TSPAN19: variants seen among roughly 807,000 people sequenced by gnomAD.
The protein encoded by TSPAN19 is tetraspanin-19.
A neutral mutation model predicts 35.1 loss-of-function variants in TSPAN19; 44 were observed. The observed-to-expected ratio is 1.25, with a 90% CI of 0.98 to 1.61. The LOEUF (loss-of-function observed/expected upper bound fraction) is 1.61, where lower values mean the gene tolerates loss of function less well. Ranked by LOEUF, TSPAN19 falls within the 40% of genes most tolerant of loss-of-function variation. The pLI is 0.00. For synonymous variants in TSPAN19, 79 were observed against 92.0 expected, an observed-to-expected ratio of 0.86 and a Z score of 0.81; for missense variants, 290 against 280.0, an observed-to-expected ratio of 1.04 and a Z score of -0.26.
At chr12:85,034,257 C>T (rs985593300) in intron 1 of TSPAN19, among the ~76,000 whole-genome samples, 1 of 152,042 alleles carries the variant, frequency 6.6e-6, no homozygotes, top group Non-Finnish European at 1.5e-5. Context: ...ATTTTGAACA[C>T]AACAATGATA....
chr12:85,028,892 G>A (rs1877552080), intron 3 of TSPAN19, among the ~76,000 whole-genome samples: 1 of 152,140 alleles, frequency 6.6e-6, no homozygotes, highest in Admixed American at 6.6e-5. Flanking sequence ...GGGGGAGAAG[G>A]TTAGAAGGTT....
At chr12:85,031,228 C>A (rs1877670686) in intron 1 of TSPAN19, among the ~76,000 whole-genome samples, 1 of 152,094 alleles carries the variant, frequency 6.6e-6, no homozygotes, top group African/African-American at 2.4e-5. Context: ...TACTTTCCAT[C>A]CTATTGTCTT....
chr12:85,032,057 T>C (rs1877710245), intron 1 of TSPAN19, among the ~76,000 whole-genome samples: 1 of 152,080 alleles, frequency 6.6e-6, no homozygotes, highest in African/African-American at 2.4e-5. Context: ...AATAAAAGAA[T>C]AATGGTAATC....
chr12:85,029,610 A>G lies in TSPAN19; in HGVS notation c.139+109T>C. 5 of 899,900 alleles carry G rather than the reference A, an allele frequency of 5.6e-6. 1 individual carries two copies. Among genetic ancestry groups the G allele is most frequent in the Middle Eastern group, 5.8e-4 (2 of 3,454 alleles). 55.7% of individuals were successfully genotyped at this position (899,900 alleles called of 1,614,324 possible). Reference sequence around the variant, plus strand: ...AAGACTTTCAGAAGGAATGCTGGACACTTAATAAATTACAGAGAAATACTG... The same window carrying G: ...AAGACTTTCAGAAGGAATGCTGGACGCTTAATAAATTACAGAGAAATACTG... On this transcript the variant is annotated intron_variant, in intron 3 of 8. Coordinates refer to ENST00000532498, the MANE Select transcript of TSPAN19 (RefSeq NM_001100917.2).
chr12:85,029,606 G>A, intron 3 of TSPAN19, 113 bp downstream of exon 3: 2 of 875,376 alleles, frequency 2.3e-6, no homozygotes, highest in Non-Finnish European at 3.5e-6. Flanking sequence ...AAGGAATGCT[G>A]GACACTTAAT....
intron 4 of TSPAN19, among the ~76,000 whole-genome samples, chr12:85,025,435 C>G (rs960880798): frequency 6.7e-6 from 1 of 149,282 alleles, no homozygotes; most frequent in African/African-American, 2.5e-5. Context: ...CCACCACACC[C>G]GGCATATGAA....
Position 85,014,562 on chromosome 12 carries a change from G to A in TSPAN19, c.679-7C>T. ...TTAATGAGACTTGGAAAACCTGGAAGAAAAGGGAACAATAAGAGATTAAAA... is the reference window on the plus strand; with the variant it reads ...TTAATGAGACTTGGAAAACCTGGAAAAAAAGGGAACAATAAGAGATTAAAA... On this transcript the variant is annotated splice_polypyrimidine_tract_variant and splice_region_variant and intron_variant, in intron 8 of 8. Coordinates refer to ENST00000532498, the MANE Select transcript of TSPAN19 (RefSeq NM_001100917.2). 2.5e-6 allele frequency: 4 copies of A among 1,582,148 alleles called. No individual in the cohort carries two copies. The highest frequency in any genetic ancestry group is 1.1e-5 in the South Asian group (1 of 87,816).
Position 85,019,742 on chromosome 12 carries a change from G to A in TSPAN19, c.340-6C>T. 1 of 1,535,500 alleles carries A rather than the reference G, an allele frequency of 6.5e-7. No homozygotes were observed. Among genetic ancestry groups the A allele is most frequent in the Non-Finnish European group, 8.8e-7 (1 of 1,130,310 alleles). Reference sequence around the variant, plus strand: ...TCATGCCATAGTTGCTGAACCTGTAGAAAATTGTATTAAAAATGAAAATTT... The same window carrying A: ...TCATGCCATAGTTGCTGAACCTGTAAAAAATTGTATTAAAAATGAAAATTT... On this transcript the variant is annotated splice_region_variant and splice_polypyrimidine_tract_variant and intron_variant, in intron 5 of 8. Coordinates refer to ENST00000532498, the MANE Select transcript of TSPAN19 (RefSeq NM_001100917.2).
chr12:85,024,934 T>C (rs774212177), intron 4 of TSPAN19, among the ~76,000 whole-genome samples: 6 of 152,110 alleles, frequency 3.9e-5, no homozygotes, highest in Non-Finnish European at 8.8e-5. Context: ...ACATATTTTA[T>C]ACATCTAATA....
chr12:85,014,384 C>T lies in TSPAN19; in HGVS notation c.*103G>A. The T allele has an allele frequency of 4.4e-6, 3 of 689,432 alleles. No individual in the cohort carries two copies. Among genetic ancestry groups the T allele is most frequent in the Non-Finnish European group, 4.8e-6 (2 of 413,324 alleles). 42.7% of individuals were successfully genotyped at this position (689,432 alleles called of 1,614,324 possible). On this transcript the variant is annotated 3_prime_UTR_variant, in exon 9 of 9. Transcript: ENST00000532498. ...TTACATATAATTAATAATTTGAATA[C>T]ATCTGTTATTTAATACAATTCAAAA...
chr12:85,022,205 T>TCACACACACACAAACACACG (rs2135801560), intron 5 of TSPAN19, among the ~76,000 whole-genome samples: 1 of 151,706 alleles, frequency 6.6e-6, no homozygotes, highest in East Asian at 1.9e-4. Context: ...CCTTTAAAAC[T>TCACACACACACAAACACACG]CACACACACA....
At chr12:85,014,873 A>G (rs1354966438) in intron 8 of TSPAN19, 1 of 190,306 alleles carries the variant, frequency 5.3e-6, no homozygotes, top group Non-Finnish European at 1.1e-5. Flanking sequence ...GTTGTTCGAT[A>G]TCTTTCTAAC....
intron 5 of TSPAN19, among the ~76,000 whole-genome samples, chr12:85,021,180 C>T (rs1877102169): frequency 6.6e-6 from 1 of 151,964 alleles, no homozygotes; most frequent in African/African-American, 2.4e-5. Context: ...AATACAGACA[C>T]TCAGAGAATT....
intron 3 of TSPAN19, among the ~76,000 whole-genome samples, chr12:85,028,307 A>AT (rs1021412877): frequency 6.6e-6 from 1 of 152,076 alleles, no homozygotes; most frequent in African/African-American, 2.4e-5. Context: ...GATAGAATAA[A>AT]TTTTTTTCTA....
intron 1 of TSPAN19, among the ~76,000 whole-genome samples, chr12:85,030,641 GAATA>G (rs1424601932): frequency 6.6e-6 from 1 of 152,020 alleles, no homozygotes; most frequent in Non-Finnish European, 1.5e-5. Context: ...TTGAATGCAT[GAATA>G]GATAGATGAA....
intron 4 of TSPAN19, among the ~76,000 whole-genome samples, chr12:85,027,252 C>T (rs137988787): frequency 6.6e-6 from 1 of 151,906 alleles, no homozygotes; most frequent in Admixed American, 6.6e-5. Flanking sequence ...TATAAGTTAC[C>T]TTTCATGGCA....
intron 3 of TSPAN19, among the ~76,000 whole-genome samples, chr12:85,029,501 T>C (rs1053362683): frequency 6.6e-6 from 1 of 152,114 alleles, no homozygotes; most frequent in African/African-American, 2.4e-5. Flanking sequence ...ACTACAGTCA[T>C]CCTACAGTAG....
At chr12:85,033,431 G>A (rs565337747) in intron 1 of TSPAN19, among the ~76,000 whole-genome samples, 5 of 150,934 alleles carry the variant, frequency 3.3e-5, no homozygotes, top group African/African-American at 9.8e-5. Flanking sequence ...ACTTAAGATA[G>A]GGGGATAATT....
chr12:85,023,403 A>G lies in TSPAN19; in HGVS notation c.265-3T>C, dbSNP rs1877229341. ...GTCCATGTTATCAATACTGCATACTAAAACAAAAGAAAAATAGAGATGATG... is the reference window on the plus strand; with the variant it reads ...GTCCATGTTATCAATACTGCATACTGAAACAAAAGAAAAATAGAGATGATG... On this transcript the variant is annotated splice_region_variant and splice_polypyrimidine_tract_variant and intron_variant, in intron 4 of 8. Coordinates refer to ENST00000532498, the MANE Select transcript of TSPAN19 (RefSeq NM_001100917.2). 1 of 1,566,626 alleles carries G rather than the reference A, an allele frequency of 6.4e-7. No individual in the cohort carries two copies. Among genetic ancestry groups the G allele is most frequent in the Non-Finnish European group, 8.7e-7 (1 of 1,154,026 alleles).
Sources: gnomAD v4.1 joint callset for allele counts (sites outside exome capture counted in the v4.1 genomes callset) on GRCh38, gnomAD v4.1.1 for gene constraint, MANE v1.5 for transcripts, NCBI Gene and HGNC (gene_info 2026-07-23, HGNC 2026-07-21) for gene names.